PAFAH2: variants seen among roughly 807,000 people sequenced by gnomAD.
PAFAH2 encodes platelet activating factor acetylhydrolase 2.
A neutral mutation model predicts 49.0 loss-of-function variants in PAFAH2; 42 were observed. The ratio of observed to expected loss-of-function variants is 0.86; its 90% confidence interval spans 0.67 to 1.11. The LOEUF (loss-of-function observed/expected upper bound fraction) is 1.11, where lower values mean the gene tolerates loss of function less well. PAFAH2 is among the 50% of genes least tolerant of loss of function. PAFAH2 has a pLI of 0.00. For synonymous variants in PAFAH2, 184 were observed against 181.3 expected, an observed-to-expected ratio of 1.01 and a Z score of -0.12; for missense variants, 503 against 501.8, an observed-to-expected ratio of 1.00 and a Z score of -0.02.
At chr1:25,980,634 TTA>T (rs2049672664) in intron 7 of PAFAH2, among the ~76,000 whole-genome samples, 1 of 145,686 alleles carries the variant, frequency 6.9e-6, no homozygotes, top group Admixed American at 6.9e-5. Flanking sequence ...TATATATATT[TTA>T]TATATATTTA....
chr1:25,963,618 C>T (rs1380730774), intron 10 of PAFAH2, among the ~76,000 whole-genome samples: 1 of 152,190 alleles, frequency 6.6e-6, no homozygotes, highest in African/African-American at 2.4e-5. Flanking sequence ...ATTCTCCTGC[C>T]TCAGCCTCCT....
At chr1:25,996,331 C>T (rs1046372752) in intron 1 of PAFAH2, among the ~76,000 whole-genome samples, 1 of 152,188 alleles carries the variant, frequency 6.6e-6, no homozygotes, top group African/African-American at 2.4e-5. Context: ...TGCCACTGCA[C>T]TTCGGCCTGG....
At chr1:25,984,901 T>G (rs2049757862) in intron 4 of PAFAH2, among the ~76,000 whole-genome samples, 1 of 136,896 alleles carries the variant, frequency 7.3e-6, no homozygotes, top group African/African-American at 2.7e-5. Context: ...CAGGCTGGAG[T>G]ACAATGGGAC....
chr1:25,982,526 A>G (rs1250467689), intron 6 of PAFAH2, 49 bp from the exon 7 acceptor site: 2 of 1,379,194 alleles, frequency 1.5e-6, no homozygotes, highest in African/African-American at 2.8e-5. Context: ...ACAACTGTCC[A>G]GCGAGAATCT....
Position 25,976,791 on chromosome 1 carries a change from C to T in PAFAH2, c.667-18G>A, listed in dbSNP as rs1190003232. Reference sequence around the variant, plus strand: ...ATGTTGCCCTGAGGAAAGTGGAGAACTTAGCCAAGTCAGAAACTCAGGACT... The same window carrying T: ...ATGTTGCCCTGAGGAAAGTGGAGAATTTAGCCAAGTCAGAAACTCAGGACT... On this transcript the variant is annotated intron_variant, in intron 7 of 10. Transcript: ENST00000374282. The T allele has an allele frequency of 1.2e-6, 2 of 1,602,232 alleles. No individual in the cohort carries two copies. Among genetic ancestry groups the T allele is most frequent in the African/African-American group, 2.7e-5 (2 of 74,672 alleles).
intron 1 of PAFAH2, chr1:25,997,546 G>A (rs1328148044): frequency 6.6e-6 from 1 of 152,282 alleles, no homozygotes; most frequent in Non-Finnish European, 1.5e-5. Context: ...GTGAGAGGCA[G>A]AGCTGGCCTA....
At chr1:25,988,734 C>T (rs577281689) in intron 3 of PAFAH2, among the ~76,000 whole-genome samples, 12 of 128,202 alleles carry the variant, frequency 9.4e-5, no homozygotes, top group Admixed American at 3.0e-4. Flanking sequence ...ACCCTGGAGG[C>T]GAAGGTTGCA....
rs746904156 is a variant in PAFAH2 at position 25,972,698 on chromosome 1, C to T, written c.944G>A (p.Arg315Gln). 2.5e-5 allele frequency: 41 copies of T among 1,613,760 alleles called. No individual in the cohort carries two copies. The highest frequency in any genetic ancestry group is 1.8e-4 in the Admixed American group (11 of 59,996). Residue 315 changes from arginine to glutamine, a missense_variant, in exon 10 of 11, where the codon CGG (arginine) becomes CAG (glutamine). Transcript: ENST00000374282. ...CACAAAAGCAAAGTCAGTTTGACTCCGATGAACAGAACCACTAGGGGAAAA... is the reference window on the plus strand; with the variant it reads ...CACAAAAGCAAAGTCAGTTTGACTCTGATGAACAGAACCACTAGGGGAAAA... ...RIITVLGSVHRSQTDFAFVTG... is the reference protein window; with the variant it reads ...RIITVLGSVHQSQTDFAFVTG...
chr1:25,978,248 G>A lies in PAFAH2; in HGVS notation c.667-1475C>T, dbSNP rs532968062. On this transcript the variant is annotated intron_variant, in intron 7 of 10. Coordinates refer to ENST00000374282, the MANE Select transcript of PAFAH2 (RefSeq NM_000437.4). ...ATATTCATATACCTCTAAAATCAGA[G>A]GTATACAAAGAAATCTCCTACCTAC... Among the ~76,000 whole-genome samples the A allele has an allele frequency of 1.4e-4, 21 of 151,872 alleles. 1 individual carries two copies. In the South Asian group the frequency reaches 4.2e-3, roughly 30 times the overall value.
intron 1 of PAFAH2, 55 bp downstream of exon 1, chr1:25,997,970 A>C (rs2049959823): frequency 6.6e-6 from 1 of 152,226 alleles, no homozygotes; most frequent in Admixed American, 6.5e-5. Context: ...GCCAGAATAC[A>C]AAAGTCTGCA....
chr1:25,983,595 GA>G (rs917783524), intron 6 of PAFAH2, among the ~76,000 whole-genome samples: 19 of 151,450 alleles, frequency 1.3e-4, no homozygotes, highest in African/African-American at 4.6e-4. Flanking sequence ...TCTAACCTTG[GA>G]AAGTAGGCCA....
At chr1:25,966,988 C>T (rs902296519) in intron 10 of PAFAH2, among the ~76,000 whole-genome samples, 6 of 146,348 alleles carry the variant, frequency 4.1e-5, no homozygotes, top group African/African-American at 1.3e-4. Context: ...GCCGAGATCG[C>T]GCCACTGCAC....
Position 25,989,525 on chromosome 1 carries a change from T to C in PAFAH2, c.167A>G (p.Tyr56Cys), listed in dbSNP as rs552049795. 4 of 1,613,016 alleles carry C rather than the reference T, an allele frequency of 2.5e-6. No homozygotes were observed. Among genetic ancestry groups the C allele is most frequent in the Non-Finnish European group, 3.4e-6 (4 of 1,179,472 alleles). Residue 56 changes from tyrosine to cysteine, a missense_variant, in exon 3 of 11, where the codon TAT becomes TGT. By Grantham distance (194) the Tyr-to-Cys change is radical (BLOSUM62 -2). Transcript: ENST00000374282. Reference protein sequence around the residue: ...TMEQPLWIPRYEYCTGLAEYL... With the variant: ...TMEQPLWIPRCEYCTGLAEYL... ...CTCGGCCAGGCCAGTGCAGTACTCA[T>C]AGCGGGGAATCCACAGGGGCTGCTC...
intron 10 of PAFAH2, among the ~76,000 whole-genome samples, chr1:25,964,514 C>T (rs2049391927): frequency 6.6e-6 from 1 of 151,948 alleles, no homozygotes; most frequent in South Asian, 2.1e-4. Context: ...GAGACCAGCC[C>T]AGGCAATAAA....
chr1:25,977,294 C>T (rs1226787612), intron 7 of PAFAH2, among the ~76,000 whole-genome samples: 8 of 151,072 alleles, frequency 5.3e-5, no homozygotes, highest in African/African-American at 1.2e-4. Context: ...CCACCGCGCC[C>T]GGCTCATGTT....
chr1:25,988,394 T>C, intron 3 of PAFAH2, 67 bp from the exon 4 acceptor site: 2 of 1,170,910 alleles, frequency 1.7e-6, no homozygotes, highest in Non-Finnish European at 2.5e-6. Flanking sequence ...GCAGCCTGAG[T>C]ATAGGTATGG....
intron 7 of PAFAH2, among the ~76,000 whole-genome samples, chr1:25,981,936 G>A (rs926375491): frequency 1.3e-5 from 2 of 151,886 alleles, no homozygotes; most frequent in Admixed American, 6.6e-5. Flanking sequence ...CAGGAGAATC[G>A]CTTGAACCCG....
intron 4 of PAFAH2, among the ~76,000 whole-genome samples, chr1:25,987,305 A>G (rs2049797333): frequency 6.6e-6 from 1 of 151,736 alleles, no homozygotes. Flanking sequence ...AAAGATCTCC[A>G]TGGCTACAAT....
Position 25,984,048 on chromosome 1 carries a change from G to C in PAFAH2, c.450C>G (p.Ala150=), listed in dbSNP as rs2049739206. ...CATTGGTGGGCTGGTTCTCTTCTGGGGCCTGCTTGCAGAAATAGGTGGTTG... is the reference window on the plus strand; with the variant it reads ...CATTGGTGGGCTGGTTCTCTTCTGGCGCCTGCTTGCAGAAATAGGTGGTTG... ...SAATTYFCKQ[A]PEENQPTNES... Residue 150 remains alanine, a synonymous_variant, in exon 6 of 11, where the codon GCC becomes GCG. Transcript: ENST00000374282. 4 of 1,613,942 alleles carry C rather than the reference G, an allele frequency of 2.5e-6. No homozygotes were observed. Among genetic ancestry groups the C allele is most frequent in the Middle Eastern group, 1.6e-4 (1 of 6,084 alleles).
Sources: gnomAD v4.1 joint callset for allele counts (sites outside exome capture counted in the v4.1 genomes callset) on GRCh38, gnomAD v4.1.1 for gene constraint, MANE v1.5 for transcripts, NCBI Gene and HGNC (gene_info 2026-07-23, HGNC 2026-07-21) for gene names.